The following COL15A1 variants were observed in gnomAD, a reference collection of about 807,000 sequenced individuals.
COL15A1 encodes collagen alpha-1(XV) chain.
COL15A1 carries 111 observed loss-of-function variants against 165.9 expected under a neutral mutation model. That is an observed-to-expected ratio of 0.67 (90% confidence interval 0.57 to 0.78). COL15A1 has a LOEUF of 0.78. COL15A1 is among the 30% of genes least tolerant of loss of function. The pLI is 0.00. For missense variants in COL15A1, 1,745 were observed against 1,789.7 expected, an observed-to-expected ratio of 0.98 and a Z score of 0.45; for synonymous variants, 659 against 674.8, an observed-to-expected ratio of 0.98 and a Z score of 0.36.
chr9:99,012,382 A>G (rs1340366776), intron 9 of COL15A1, among the ~76,000 whole-genome samples: 1 of 152,234 alleles, frequency 6.6e-6, no homozygotes, highest in Non-Finnish European at 1.5e-5. Context: ...TATTAATACA[A>G]ACACATTGTC....
chr9:99,038,885 A>G, intron 22 of COL15A1, 152 bp downstream of exon 22: 1 of 582,476 alleles, frequency 1.7e-6, no homozygotes, highest in Non-Finnish European at 3.1e-6. Flanking sequence ...TTTTTTGAAA[A>G]GTTGCTTTCA....
At chr9:99,012,703 C>CT (rs1156464062) in intron 9 of COL15A1, among the ~76,000 whole-genome samples, 1,737 of 99,748 alleles carry the variant, frequency 0.017, 308 homozygotes, top group African/African-American at 0.046. Flanking sequence ...GTTTCCCACC[C>CT]TTTTTTTTTT....
chr9:98,992,526 C>T (rs1838460216), intron 5 of COL15A1, among the ~76,000 whole-genome samples: 3 of 152,370 alleles, frequency 2.0e-5, no homozygotes, highest in Admixed American at 2.0e-4. Flanking sequence ...CCGGCTTCAG[C>T]CTCTGCCAAC....
intron 35 of COL15A1, among the ~76,000 whole-genome samples, 195 bp downstream of exon 35, chr9:99,056,599 G>T (rs1825724013): frequency 1.3e-5 from 2 of 152,132 alleles, no homozygotes; most frequent in African/African-American, 4.8e-5. Context: ...TAATCCAGTA[G>T]TTTTTAATAT....
chr9:99,050,193 T>C (rs766078729), intron 30 of COL15A1, among the ~76,000 whole-genome samples: 11 of 152,190 alleles, frequency 7.2e-5, no homozygotes, highest in Non-Finnish European at 1.3e-4. Context: ...AGTATAAAAC[T>C]GGGAAAAATA....
At position 99,069,875 on chromosome 9, in the gene COL15A1, G is replaced by A. The variant is rs575883616; in HGVS notation, c.4156G>A (p.Ala1386Thr). The change falls in exon 42 of 42, where the codon GCT becomes ACT. Residue 1386 changes from alanine (A) to threonine (T), a missense_variant. By Grantham distance (58) the Ala-to-Thr change is moderately conservative. Transcript: ENST00000375001. The stretch of plus-strand genomic sequence containing the variant: ...TATCGAAAACAGTTTCATGACAGAC[G>A]CTAGGAAGTAATGGCCTTCTGATGA... ...LCIENSFMTD[A>T]RK 15 of 1,609,370 alleles carry A rather than the reference G, an allele frequency of 9.3e-6. No homozygotes were observed. The Admixed American group carries it at 1.5e-4, about 16-fold the overall frequency.
At chr9:99,064,776 G>C (rs746307847) in intron 39 of COL15A1, among the ~76,000 whole-genome samples, 63 of 152,212 alleles carry the variant, frequency 4.1e-4, no homozygotes, top group Non-Finnish European at 1.0e-4. Flanking sequence ...TAGCCAAAAA[G>C]ATTCTAGTTG....
At chr9:99,013,561 A>C (rs1159183362) in intron 9 of COL15A1, among the ~76,000 whole-genome samples, 4 of 151,956 alleles carry the variant, frequency 2.6e-5, no homozygotes, top group Admixed American at 6.5e-5. Context: ...AAAAAAAAAA[A>C]AAAACAGCTA....
chr9:98,989,328 C>A, intron 5 of COL15A1, 70 bp downstream of exon 5: 1 of 1,266,272 alleles, frequency 7.9e-7, no homozygotes. Flanking sequence ...CTAGAGGGGG[C>A]CCAGAGTCCT....
At chr9:99,064,773 A>G (rs1825868264) in intron 39 of COL15A1, among the ~76,000 whole-genome samples, 1 of 152,240 alleles carries the variant, frequency 6.6e-6, no homozygotes, top group Admixed American at 6.5e-5. Context: ...TAGTAGCCAA[A>G]AAGATTCTAG....
intron 2 of COL15A1, among the ~76,000 whole-genome samples, chr9:98,962,230 G>T (rs1837876626): frequency 6.6e-6 from 1 of 152,184 alleles, no homozygotes; most frequent in Non-Finnish European, 1.5e-5. Flanking sequence ...TGCGGTTTGG[G>T]GAGGAATAAC....
chr9:98,974,300 C>T (rs947816174), intron 2 of COL15A1, among the ~76,000 whole-genome samples: 14 of 152,154 alleles, frequency 9.2e-5, no homozygotes, highest in Non-Finnish European at 1.8e-4. Context: ...GCTGCACTGT[C>T]CCACACAGTC....
In COL15A1 at chr9:99,034,543, T is replaced by C; in HGVS notation, c.2044-6T>C. ...TGGTCCATGTTTTTGTTTTTGTTTTTTTCAGGGAGCAAGAGGGCCTAATGG... is the reference window on the plus strand; with the variant it reads ...TGGTCCATGTTTTTGTTTTTGTTTTCTTCAGGGAGCAAGAGGGCCTAATGG... On this transcript the variant is annotated splice_polypyrimidine_tract_variant and splice_region_variant and intron_variant, in intron 16 of 41. Transcript: ENST00000375001. 6.3e-7 allele frequency: 1 copy of C among 1,584,582 alleles called. No individual in the cohort carries two copies.
chr9:98,960,991 G>A (rs1300055228), intron 2 of COL15A1, among the ~76,000 whole-genome samples: 2 of 152,214 alleles, frequency 1.3e-5, no homozygotes, highest in Non-Finnish European at 2.9e-5. Context: ...AGTGGAGGGA[G>A]ATAAACAATC....
intron 19 of COL15A1, 94 bp downstream of exon 19, chr9:99,035,512 A>C: frequency 6.7e-7 from 1 of 1,491,998 alleles, no homozygotes; most frequent in Non-Finnish European, 9.3e-7. Context: ...TGCCACTTTC[A>C]ATAACTCACC....
rs988830246 is a variant in COL15A1, at chr9:99,055,040, G to A, written c.3032-62G>A. 2.8e-6 allele frequency: 4 copies of A among 1,410,796 alleles called. No homozygotes were observed. In the African/African-American group the frequency reaches 4.2e-5, roughly 15 times the overall value. The allele number at this position is 1,410,796 out of a possible 1,614,324, so 87.4% of individuals were successfully genotyped here. On this transcript the variant is annotated intron_variant, in intron 32 of 41. Coordinates refer to ENST00000375001, the MANE Select transcript of COL15A1 (RefSeq NM_001855.5). Reference sequence around the variant, plus strand: ...ATGTAACTGTGGTTGCCAACTTAGAGACTTTTATTTTAAAATTTCTGAAAT... The same window carrying A: ...ATGTAACTGTGGTTGCCAACTTAGAAACTTTTATTTTAAAATTTCTGAAAT...
At chr9:99,038,614 A>C (rs2119061625) in intron 21 of COL15A1, 54 bp from the exon 22 acceptor site, 1 of 1,101,144 alleles carries the variant, frequency 9.1e-7, no homozygotes, top group Non-Finnish European at 1.4e-6. Context: ...TGCCAGGAAC[A>C]AGGCAGAACA....
At chr9:99,062,192 A>G (rs1429578752) in intron 37 of COL15A1, 53 bp from the exon 38 acceptor site, 12 of 1,602,178 alleles carry the variant, frequency 7.5e-6, no homozygotes, top group Non-Finnish European at 1.0e-5. Context: ...CTGTTTTGAA[A>G]TGGGAGAAGT....
intron 5 of COL15A1, among the ~76,000 whole-genome samples, chr9:98,992,604 C>T (rs1446716789): frequency 6.6e-6 from 1 of 152,262 alleles, no homozygotes; most frequent in Non-Finnish European, 1.5e-5. Context: ...GAGTGGACGC[C>T]AAGGCCGAGG....
Sources: allele counts gnomAD v4.1 joint callset (sites outside exome capture counted in the v4.1 genomes callset), GRCh38; gene constraint gnomAD v4.1.1; transcripts MANE v1.5; gene names NCBI Gene and HGNC (gene_info 2026-07-23, HGNC 2026-07-21).